Variants in TNKS observed in about 807,000 individuals in gnomAD.
The protein encoded by TNKS is tankyrase, also known as poly [ADP-ribose] polymerase tankyrase-1.
Under a neutral mutation model 135.8 loss-of-function variants are expected in TNKS, and 72 were observed. That is an observed-to-expected ratio of 0.53 (90% CI 0.44 to 0.64). TNKS has a LOEUF of 0.64. Ranked by LOEUF, TNKS falls within the 30% of genes least tolerant of loss-of-function variation. The pLI is 0.00. For synonymous variants in TNKS, 849 were observed against 649.3 expected (o/e 1.31, Z -4.68); for missense variants, 1,769 against 1,674.0 (o/e 1.06, Z -0.99).
Position 9,706,885 on chromosome 8 carries a change from A to G in TNKS, c.1344A>G (p.Val448=). 4 of 1,614,160 alleles carry G rather than the reference A, an allele frequency of 2.5e-6. No individual in the cohort carries two copies. Among genetic ancestry groups the G allele is most frequent in the Non-Finnish European group, 3.4e-6 (4 of 1,180,008 alleles). ...ACGAGGCTGCTTCCAAGAACCGTGT[A>G]GAAGTCTGCTCTTTGTTACTTAGCC... is the stretch of plus-strand genomic sequence containing the variant. The part of the protein sequence containing the change: ...PLHEAASKNR[V]EVCSLLLSHG... Residue 448 remains valine, a synonymous_variant, in exon 8 of 27, where the codon GTA becomes GTG. Transcript: ENST00000310430.
chr8:9,585,283 A>T (rs921757537), intron 2 of TNKS, among the ~76,000 whole-genome samples: 4 of 152,180 alleles, frequency 2.6e-5, no homozygotes, highest in Non-Finnish European at 4.4e-5. Flanking sequence ...ATGACGAAAA[A>T]GGTAAATAAA....
chr8:9,758,644 C>T (rs1028190673), intron 20 of TNKS, among the ~76,000 whole-genome samples: 1 of 152,154 alleles, frequency 6.6e-6, no homozygotes, highest in African/African-American at 2.4e-5. Flanking sequence ...GTAAACTGTC[C>T]AACAGGTCTG....
At chr8:9,591,386 C>T (rs1360573311) in intron 2 of TNKS, among the ~76,000 whole-genome samples, 8 of 152,160 alleles carry the variant, frequency 5.3e-5, no homozygotes, top group Non-Finnish European at 1.0e-4. Context: ...GCTGTTATAA[C>T]GCTGGATGTA....
chr8:9,641,615 T>C lies in TNKS; in HGVS notation c.994+25938T>C. Among the ~76,000 whole-genome samples, 2 of 145,644 alleles carry C rather than the reference T, an allele frequency of 1.4e-5. 1 individual carries two copies. ...TAGTGCCATTGAGTATTTCTAACAT[T>C]ATTTTTCAGAAAAACATTTTTCTGA... On this transcript the variant is annotated intron_variant, in intron 3 of 26. Coordinates refer to ENST00000310430, the MANE Select transcript of TNKS (RefSeq NM_003747.3).
At chr8:9,638,559 CTTTGTT>C (rs1800605369) in intron 3 of TNKS, among the ~76,000 whole-genome samples, 1 of 152,094 alleles carries the variant, frequency 6.6e-6, no homozygotes, top group African/African-American at 2.4e-5. Context: ...AGTTTATATA[CTTTGTT>C]TCTGAAAGAA....
rs149038969 is a variant in TNKS at position 9,563,810 on chromosome 8, G to A, written c.673+7198G>A. ...TTTTTCTGTTAGGTATTAATTGTCTGCGGGGATGTTATTCTCCAAATTCTT... is the reference window on the plus strand; with the variant it reads ...TTTTTCTGTTAGGTATTAATTGTCTACGGGGATGTTATTCTCCAAATTCTT... On this transcript the variant is annotated intron_variant, in intron 1 of 26. Coordinates refer to ENST00000310430, the MANE Select transcript of TNKS (RefSeq NM_003747.3). 1.7e-3 allele frequency among the ~76,000 whole-genome samples: 261 copies of A among 152,094 alleles called. 2 individuals carry two copies. Among genetic ancestry groups the A allele is most frequent in the African/African-American group, 6.2e-3 (259 of 41,494 alleles).
chr8:9,753,825 C>CCTTTGTTTTCAGCTTA (rs1806683799), intron 20 of TNKS, among the ~76,000 whole-genome samples: 1 of 152,152 alleles, frequency 6.6e-6, no homozygotes, highest in South Asian at 2.1e-4. Context: ...AGGTATAATT[C>CCTTTGTTTTCAGCTTA]CTTTGTTTTC....
intron 11 of TNKS, among the ~76,000 whole-genome samples, chr8:9,718,520 T>A (rs1804718956): frequency 6.6e-6 from 1 of 152,180 alleles, no homozygotes; most frequent in African/African-American, 2.4e-5. Flanking sequence ...TTTGGCATTT[T>A]TTGAATCATA....
Position 9,770,228 on chromosome 8 carries a change from C to T in TNKS, c.3863C>T (p.Ala1288Val), listed in dbSNP as rs1215664063. Reference protein sequence around the residue: ...VIGRPSVNGLAYAEYVIYRGE... With the variant: ...VIGRPSVNGLVYAEYVIYRGE... ...GGTAGACCGAGCGTCAATGGGCTGG[C>T]ATATGCTGAATATGTCATCTACAGA... Residue 1288 changes from alanine to valine, a missense_variant, in exon 26 of 27, where the codon GCA (alanine) becomes GTA (valine). Coordinates refer to ENST00000310430, the MANE Select transcript of TNKS (RefSeq NM_003747.3). 1.2e-6 allele frequency: 2 copies of T among 1,613,264 alleles called. No homozygotes were observed. The highest frequency in any genetic ancestry group is 1.3e-5 in the African/African-American group (1 of 74,936).
rs545440665 is a variant in TNKS at position 9,681,498 on chromosome 8, C to T, written c.1107+698C>T. Reference sequence around the variant, plus strand: ...AATTGCAGAGTTTTGTAGTGATTTACGTAATAGACATTGAAAACCAATGCA... The same window carrying T: ...AATTGCAGAGTTTTGTAGTGATTTATGTAATAGACATTGAAAACCAATGCA... On this transcript the variant is annotated intron_variant, in intron 5 of 26. Coordinates refer to ENST00000310430, the MANE Select transcript of TNKS (RefSeq NM_003747.3). 9.2e-5 allele frequency among the ~76,000 whole-genome samples: 14 copies of T among 151,886 alleles called. 1 individual carries two copies. In the Middle Eastern group the frequency reaches 0.024, roughly 258 times the overall value.
At chr8:9,665,048 C>T (rs1247418634) in intron 3 of TNKS, among the ~76,000 whole-genome samples, 1 of 152,200 alleles carries the variant, frequency 6.6e-6, no homozygotes, top group East Asian at 1.9e-4. Flanking sequence ...CTCTGAAATA[C>T]TGACAATGCT....
At chr8:9,556,639 A>G in intron 1 of TNKS, 27 bp downstream of exon 1, 1 of 1,611,818 alleles carries the variant, frequency 6.2e-7, no homozygotes, top group Admixed American at 1.7e-5. Context: ...TTGTTTATTA[A>G]GGGTTATGGG....
At chr8:9,740,096 T>C (rs1348669332) in intron 17 of TNKS, among the ~76,000 whole-genome samples, 2 of 146,564 alleles carry the variant, frequency 1.4e-5, no homozygotes, top group Non-Finnish European at 3.0e-5. Context: ...TCCAGAGTTA[T>C]CCTTTCAAAC....
At chr8:9,619,985 C>G (rs911950931) in intron 3 of TNKS, among the ~76,000 whole-genome samples, 1 of 151,190 alleles carries the variant, frequency 6.6e-6, no homozygotes, top group Admixed American at 6.6e-5. Flanking sequence ...GAGTCTCACT[C>G]TGTCGCCAGG....
chr8:9,679,723 C>G (rs762451723), intron 3 of TNKS: 3 of 483,744 alleles, frequency 6.2e-6, no homozygotes, highest in Non-Finnish European at 1.1e-5. Flanking sequence ...CTGAAGAAAG[C>G]TATTTCATCT....
At chr8:9,683,643 G>A (rs1213926873) in intron 5 of TNKS, among the ~76,000 whole-genome samples, 1 of 151,508 alleles carries the variant, frequency 6.6e-6, no homozygotes, top group Non-Finnish European at 1.5e-5. Context: ...AGTAGGTGGG[G>A]AATTTGCCTA....
At chr8:9,764,875 G>T in intron 23 of TNKS, 85 bp downstream of exon 23, 1 of 1,103,154 alleles carries the variant, frequency 9.1e-7, no homozygotes, top group East Asian at 2.7e-5. Flanking sequence ...AGTTTATTAA[G>T]TCATATTTTC....
intron 25 of TNKS, among the ~76,000 whole-genome samples, chr8:9,768,599 T>C (rs1807607421): frequency 6.6e-6 from 1 of 152,246 alleles, no homozygotes; most frequent in East Asian, 1.9e-4. Context: ...CACCGCTGGC[T>C]GAGCAGGTCC....
Position 9,770,113 on chromosome 8 carries a change from C to A in TNKS, c.3748C>A (p.Leu1250Ile). 6.2e-7 allele frequency: 1 copy of A among 1,604,172 alleles called. No individual in the cohort carries two copies. Among genetic ancestry groups the A allele is most frequent in the Non-Finnish European group, 8.5e-7 (1 of 1,175,454 alleles). Residue 1250 changes from leucine (L) to isoleucine (I), a missense_variant, in exon 26 of 27, where the codon CTC becomes ATC. Physicochemically the swap from Leu to Ile is conservative, Grantham distance 5. Around this residue, in one of 5 missense-constraint regions of TNKS, gnomAD observed 722 missense variants for 688.9 expected, o/e 1.05. Transcript: ENST00000310430. ...TTTTTTCTTTTTCCTTAGACAAATGCTCTTCTGTAGAGTGACCCTTGGGAA... is the reference window on the plus strand; with the variant it reads ...TTTTTTCTTTTTCCTTAGACAAATGATCTTCTGTAGAGTGACCCTTGGGAA... ...RSCYICHRQM[L>I]FCRVTLGKSF...
Sources: allele counts gnomAD v4.1 joint callset (sites outside exome capture counted in the v4.1 genomes callset), GRCh38; gene constraint gnomAD v4.1.1; regional missense constraint gnomAD v4.1.1; transcripts MANE v1.5; gene names NCBI Gene and HGNC (gene_info 2026-07-23, HGNC 2026-07-21).